The following CYP4V2 variants were observed in gnomAD, a reference collection of about 807,000 sequenced individuals.
CYP4V2 encodes cytochrome P450 family 4 subfamily V member 2, also known as cytochrome P450 4V2.
CYP4V2 carries 55 observed loss-of-function variants against 60.8 expected under a neutral mutation model. The observed-to-expected ratio is 0.90, with a 90% CI of 0.73 to 1.13. The LOEUF (loss-of-function observed/expected upper bound fraction) is 1.13, where lower values mean the gene tolerates loss of function less well. Ranked by LOEUF, CYP4V2 falls within the 50% of genes most tolerant of loss-of-function variation. CYP4V2 has a pLI of 0.00. For synonymous variants in CYP4V2, 239 were observed against 236.8 expected (o/e 1.01, Z -0.08); for missense variants, 675 against 662.9 (o/e 1.02, Z -0.20).
chr4:186,212,457 A>C lies in CYP4V2; in HGVS notation c.*1816A>C, dbSNP rs1358491329. The C allele has an allele frequency of 6.6e-6, 1 of 152,122 alleles. No homozygotes were observed. The highest frequency in any genetic ancestry group is 2.4e-5 in the African/African-American group (1 of 41,430). The allele number at this position is 152,122 out of a possible 1,614,324, so 9.4% of individuals were successfully genotyped here. A position where few individuals can be genotyped will look rare whatever the true frequency, so the allele number is the denominator to read the frequency against. On this transcript the variant is annotated 3_prime_UTR_variant, in exon 11 of 11. Coordinates refer to ENST00000378802, the MANE Select transcript of CYP4V2 (RefSeq NM_207352.4). ...AATTTGATAGGCAATACATCTACCC[A>C]CTCCATTATTTTTTAAAACTTCATT...
chr4:186,209,198 T>C lies in CYP4V2; in HGVS notation c.1331T>C (p.Phe444Ser). 1 of 1,614,118 alleles carries C rather than the reference T, an allele frequency of 6.2e-7. No individual in the cohort carries two copies. Among genetic ancestry groups the C allele is most frequent in the Non-Finnish European group, 8.5e-7 (1 of 1,180,024 alleles). The change falls in exon 10 of 11, where the codon TTC (phenylalanine) becomes TCC (serine). Residue 444 changes from phenylalanine (F) to serine (S), a missense_variant. Physicochemically the swap from Phe to Ser is radical, Grantham distance 155. Coordinates refer to ENST00000378802, the MANE Select transcript of CYP4V2 (RefSeq NM_207352.4). ...PNPEEFQPER[F>S]FPENAQGRHP... ...CCCGAGGAGTTCCAGCCTGAGCGGTTCTTCCCCGAGAATGCACAAGGGCGC... is the reference window on the plus strand; with the variant it reads ...CCCGAGGAGTTCCAGCCTGAGCGGTCCTTCCCCGAGAATGCACAAGGGCGC...
In CYP4V2 at chr4:186,194,548, C is replaced by T. The variant is rs377042245; in HGVS notation, c.263C>T (p.Pro88Leu). 1.5e-5 allele frequency: 24 copies of T among 1,614,066 alleles called. 1 individual carries two copies. The African/African-American group carries it at 2.1e-4, about 14-fold the overall frequency. The change falls in exon 2 of 11, where the codon CCG becomes CTG. Residue 88 changes from proline (P) to leucine (L), a missense_variant. Pro to Leu is a moderately conservative substitution (Grantham distance 98). Transcript: ENST00000378802. ...IEYTEEYRHM[P>L]LLKLWVGPVP... ...TACACAGAGGAATACCGCCACATGC[C>T]GCTGCTGAAGCTCTGGGTCGGGCCA...
intron 7 of CYP4V2, chr4:186,202,498 A>G (rs909705059): frequency 2.6e-5 from 4 of 152,302 alleles, no homozygotes; most frequent in Middle Eastern, 3.4e-3. Flanking sequence ...TGATTGGCCC[A>G]TAAGTATGCG....
intron 5 of CYP4V2, 116 bp downstream of exon 5, chr4:186,197,718 A>G: frequency 1.8e-6 from 2 of 1,084,338 alleles, no homozygotes; most frequent in Non-Finnish European, 2.8e-6. Context: ...ACATTAAACT[A>G]GAAGTTAACC....
chr4:186,205,159 C>G (rs372357833), intron 7 of CYP4V2, 41 bp from the exon 8 acceptor site: 2 of 1,587,916 alleles, frequency 1.3e-6, no homozygotes, highest in African/African-American at 2.7e-5. Flanking sequence ...ATCATCGCAG[C>G]ATAACTCTGC....
In CYP4V2 at chr4:186,191,750, C is replaced by A; in HGVS notation, c.-74C>A. The stretch of plus-strand genomic sequence containing the variant: ...CGCGGGGAAGTGGGCGGTGTGCGGC[C>A]GGCACCGCCTCGCACCACGCCCCCG... On this transcript the variant is annotated 5_prime_UTR_variant, in exon 1 of 11. Transcript: ENST00000378802. The A allele has an allele frequency of 7.7e-7, 1 of 1,302,442 alleles. No homozygotes were observed. Among genetic ancestry groups the A allele is most frequent in the Non-Finnish European group, 9.8e-7 (1 of 1,018,632 alleles). The allele number at this position is 1,302,442 out of a possible 1,614,324, so 80.7% of individuals were successfully genotyped here.
In CYP4V2 at chr4:186,212,096, A is replaced by G. The variant is rs528848568; in HGVS notation, c.*1455A>G. 6.6e-6 allele frequency: 1 copy of G among 152,316 alleles called. No individual in the cohort carries two copies. Among genetic ancestry groups the G allele is most frequent in the South Asian group, 2.1e-4 (1 of 4,826 alleles). 9.4% of individuals were successfully genotyped at this position (152,316 alleles called of 1,614,324 possible). ...AGAATCAATAAGACAGTTTCTGCCC[A>G]AAGTCATGTTACCAGTTGGTGACAG... On this transcript the variant is annotated 3_prime_UTR_variant, in exon 11 of 11. Transcript: ENST00000378802.
chr4:186,205,368 G>A (rs763694235), intron 8 of CYP4V2, 66 bp downstream of exon 8: 2 of 1,429,726 alleles, frequency 1.4e-6, no homozygotes, highest in Non-Finnish European at 2.0e-6. Context: ...TCACTGTGTT[G>A]TAAACACAGT....
rs1736748961 is a variant in CYP4V2, at chr4:186,212,318, C to A, written c.*1677C>A. Reference sequence around the variant, plus strand: ...TTAAAGGAAAAAGGAAGCCATTCATCTATATTTAGTAACCCAGTAATATCT... The same window carrying A: ...TTAAAGGAAAAAGGAAGCCATTCATATATATTTAGTAACCCAGTAATATCT... On this transcript the variant is annotated 3_prime_UTR_variant, in exon 11 of 11. Coordinates refer to ENST00000378802, the MANE Select transcript of CYP4V2 (RefSeq NM_207352.4). 1 of 152,178 alleles carries A rather than the reference C, an allele frequency of 6.6e-6. No homozygotes were observed. Among genetic ancestry groups the A allele is most frequent in the African/African-American group, 2.4e-5 (1 of 41,440 alleles). The allele number at this position is 152,178 out of a possible 1,614,324, so 9.4% of individuals were successfully genotyped here.
chr4:186,207,883 C>G (rs76777983), intron 8 of CYP4V2, among the ~76,000 whole-genome samples: 3 of 152,266 alleles, frequency 2.0e-5, no homozygotes, highest in African/African-American at 7.2e-5. Flanking sequence ...TATATGGATT[C>G]GTACAATATG....
chr4:186,205,192 A>G lies in CYP4V2; in HGVS notation c.988-8A>G. ...TGCTTTTTAAGCTATTGTTTTCTGC[A>G]TTTGTAGGGGCACGATACAACTGCA... On this transcript the variant is annotated splice_polypyrimidine_tract_variant and splice_region_variant and intron_variant, in intron 7 of 10. Transcript: ENST00000378802. 1 of 1,614,114 alleles carries G rather than the reference A, an allele frequency of 6.2e-7. No individual in the cohort carries two copies. Among genetic ancestry groups the G allele is most frequent in the Non-Finnish European group, 8.5e-7 (1 of 1,179,930 alleles).
intron 3 of CYP4V2, 47 bp from the exon 4 acceptor site, chr4:186,196,893 T>G (rs1158569848): frequency 3.8e-6 from 6 of 1,576,658 alleles, no homozygotes; most frequent in Non-Finnish European, 5.2e-6. Flanking sequence ...TCTTTCTCTC[T>G]CTCTCTCTGT....
intron 5 of CYP4V2, 130 bp from the exon 6 acceptor site, chr4:186,198,827 G>T: frequency 7.3e-7 from 1 of 1,363,390 alleles, no homozygotes; most frequent in Non-Finnish European, 1.0e-6. Flanking sequence ...AAAACATGGA[G>T]CTCTTAGTAG....
chr4:186,201,038 T>C (rs1159774811), intron 6 of CYP4V2, 119 bp from the exon 7 acceptor site: 2 of 1,040,060 alleles, frequency 1.9e-6, no homozygotes, highest in Non-Finnish European at 2.8e-6. Flanking sequence ...GTTGTCGAAA[T>C]GTTGAAATAG....
intron 10 of CYP4V2, among the ~76,000 whole-genome samples, chr4:186,209,862 G>C (rs1441944585): frequency 6.6e-6 from 1 of 152,218 alleles, no homozygotes. Context: ...TCAAAATGTT[G>C]TAGAGTTTTA....
chr4:186,206,680 AGAGT>A (rs1326696991), intron 8 of CYP4V2, among the ~76,000 whole-genome samples: 4 of 152,168 alleles, frequency 2.6e-5, no homozygotes, highest in African/African-American at 9.7e-5. Context: ...GCAATAGTGG[AGAGT>A]GAGAGACCGC....
At chr4:186,192,208 C>A in intron 1 of CYP4V2, 171 bp downstream of exon 1, 1 of 825,100 alleles carries the variant, frequency 1.2e-6, no homozygotes, top group Admixed American at 2.0e-5. Context: ...CCCGCCGACA[C>A]TGCTAGTGCC....
chr4:186,197,612 G>T lies in CYP4V2; in HGVS notation c.674+10G>T. The T allele has an allele frequency of 6.2e-7, 1 of 1,613,020 alleles. No homozygotes were observed. The highest frequency in any genetic ancestry group is 8.5e-7 in the Non-Finnish European group (1 of 1,178,996). On this transcript the variant is annotated intron_variant, in intron 5 of 10. Transcript: ENST00000378802. Reference sequence around the variant, plus strand: ...TCCGTGCAGTTTATAGGTAAATGGAGTCCTTTCAGTTATTTTAACAATTAT... The same window carrying T: ...TCCGTGCAGTTTATAGGTAAATGGATTCCTTTCAGTTATTTTAACAATTAT...
intron 6 of CYP4V2, among the ~76,000 whole-genome samples, chr4:186,200,599 CAG>C (rs781519796): frequency 4.6e-5 from 7 of 152,160 alleles, no homozygotes; most frequent in East Asian, 1.9e-4. Context: ...GTGCTAGGGA[CAG>C]GGGTAGCAGG....
Sources: allele counts gnomAD v4.1 joint callset (sites outside exome capture counted in the v4.1 genomes callset), GRCh38; gene constraint gnomAD v4.1.1; transcripts MANE v1.5; gene names NCBI Gene and HGNC (gene_info 2026-07-23, HGNC 2026-07-21).